The following EPSTI1 variants were observed in gnomAD, a reference collection of about 807,000 sequenced individuals.
The protein encoded by EPSTI1 is epithelial-stromal interaction protein 1.
Under a neutral mutation model 49.9 loss-of-function variants are expected in EPSTI1, and 66 were observed. The ratio of observed to expected loss-of-function variants is 1.32; its 90% CI spans 1.08 to 1.62. The LOEUF (loss-of-function observed/expected upper bound fraction) is 1.62, where lower values mean the gene tolerates loss of function less well. Ranked by LOEUF, EPSTI1 falls within the 40% of genes most tolerant of loss-of-function variation. The pLI, the probability that EPSTI1 is intolerant of heterozygous loss-of-function variation, is 0.00. For missense variants in EPSTI1, 394 were observed against 365.5 expected, an observed-to-expected ratio of 1.08 and a Z score of -0.64; for synonymous variants, 137 against 130.7, an observed-to-expected ratio of 1.05 and a Z score of -0.33.
intron 6 of EPSTI1, among the ~76,000 whole-genome samples, chr13:42,939,234 A>T (rs1259640636): frequency 6.6e-6 from 1 of 152,212 alleles, no homozygotes; most frequent in Non-Finnish European, 1.5e-5. Flanking sequence ...CTTTCTTCAT[A>T]TTAGCAATAC....
chr13:42,921,820 C>T lies in EPSTI1; in HGVS notation c.658-4196G>A, dbSNP rs114618126. 3.0e-3 allele frequency among the ~76,000 whole-genome samples: 449 copies of T among 151,766 alleles called. 3 individuals carry two copies. The highest frequency in any genetic ancestry group is 0.01 in the African/African-American group (432 of 41,350). The stretch of plus-strand genomic sequence containing the variant: ...CAGCTGTGCGCCAGGCTTACAAACA[C>T]CCAGGACAGGTTAAAGCAGGAGGAA... On this transcript the variant is annotated intron_variant, in intron 7 of 10. Transcript: ENST00000313624.
intron 7 of EPSTI1, among the ~76,000 whole-genome samples, chr13:42,919,120 T>G (rs1352887477): frequency 6.6e-6 from 1 of 152,194 alleles, no homozygotes; most frequent in Non-Finnish European, 1.5e-5. Flanking sequence ...CCCTTTAAAC[T>G]TGTCATTTTG....
At position 42,983,609 on chromosome 13, in the gene EPSTI1, A is replaced by G. The variant is rs9567086; in HGVS notation, c.188+8369T>C. 2.2e-4 allele frequency among the ~76,000 whole-genome samples: 33 copies of G among 150,450 alleles called. No individual in the cohort carries two copies. The East Asian group carries it at 4.0e-3, about 18-fold the overall frequency. ...AAAAAACAATGATAAGACCTTAGCT[A>G]GCTGTACTATCAATCCTTCTATCTA... On this transcript the variant is annotated intron_variant, in intron 1 of 10. Transcript: ENST00000313624.
chr13:42,952,017 A>AG (rs1245012185), intron 6 of EPSTI1, among the ~76,000 whole-genome samples: 2 of 152,222 alleles, frequency 1.3e-5, no homozygotes, highest in African/African-American at 4.8e-5. Flanking sequence ...GGCTAGCAAG[A>AG]GGTTTGTAAA....
chr13:42,953,873 T>C (rs1024230729), intron 6 of EPSTI1, 75 bp downstream of exon 6: 1 of 1,185,988 alleles, frequency 8.4e-7, no homozygotes, highest in African/African-American at 1.5e-5. Context: ...TTTGACAAGT[T>C]AGCATCACCT....
chr13:42,967,289 T>TAAAAA (rs747737457), intron 3 of EPSTI1, among the ~76,000 whole-genome samples: 2 of 28,542 alleles, frequency 7.0e-5, no homozygotes, highest in African/African-American at 1.8e-4. Context: ...AAAAATAAAT[T>TAAAAA]AAAAAAAAAA....
chr13:42,970,832 C>G (rs2039749520), intron 1 of EPSTI1, among the ~76,000 whole-genome samples, 162 bp from the exon 2 acceptor site: 1 of 152,162 alleles, frequency 6.6e-6, no homozygotes, highest in African/African-American at 2.4e-5. Context: ...TTCTCTGGGA[C>G]CTCACAATCT....
chr13:42,936,134 T>C (rs971409058), intron 6 of EPSTI1, among the ~76,000 whole-genome samples: 2 of 152,180 alleles, frequency 1.3e-5, no homozygotes, highest in Non-Finnish European at 2.9e-5. Flanking sequence ...TTATGTATAC[T>C]CAGGAACTTA....
rs372278878 is a variant in EPSTI1, at chr13:42,955,877, T to TTGGCGG, written c.490-1857_490-1856insCCGCCA. Among the ~76,000 whole-genome samples the TTGGCGG allele has an allele frequency of 2.7e-4, 28 of 105,570 alleles. 3 individuals are homozygous for TTGGCGG. The East Asian group carries it at 8.2e-3, about 31-fold the overall frequency. 69.3% of individuals were successfully genotyped at this position (105,570 alleles called of 152,430 possible). A position where few individuals can be genotyped will look rare whatever the true frequency, so the allele number is the denominator to read the frequency against. On this transcript the variant is annotated intron_variant, in intron 5 of 10. Coordinates refer to ENST00000313624, the MANE Select transcript of EPSTI1 (RefSeq NM_033255.5). ...AGTTGATAGTTGATGAAGAAGTATT[T>TTGGCGG]GGGGGGGGGGGGAAGTAGTAGTAGT... is the stretch of plus-strand genomic sequence containing the variant.
chr13:42,963,488 T>C, intron 4 of EPSTI1, 150 bp from the exon 5 acceptor site: 1 of 619,770 alleles, frequency 1.6e-6, no homozygotes, highest in Non-Finnish European at 2.8e-6. Flanking sequence ...GCTACTTAGA[T>C]CACAGAGAAT....
At chr13:42,926,010 T>A (rs925713487) in intron 7 of EPSTI1, among the ~76,000 whole-genome samples, 1 of 14,840 alleles carries the variant, frequency 6.7e-5, no homozygotes, top group African/African-American at 2.3e-4. Context: ...GAAGGAAGGA[T>A]GGATGGATGC....
At chr13:42,981,953 C>T (rs538327285) in intron 1 of EPSTI1, among the ~76,000 whole-genome samples, 14 of 149,958 alleles carry the variant, frequency 9.3e-5, no homozygotes, top group Non-Finnish European at 1.6e-4. Flanking sequence ...AAAAAAAAAT[C>T]ACTGTAAGTT....
chr13:42,990,964 T>C (rs962803952), intron 1 of EPSTI1: 1 of 152,278 alleles, frequency 6.6e-6, no homozygotes, highest in African/African-American at 2.4e-5. Flanking sequence ...GAGAGGCTCA[T>C]GACACTTGCT....
rs184501067 is a variant in EPSTI1, at chr13:42,953,924, G to C, written c.563+24C>G. ...ATGAACAATCTGCCTATAAAGGCAC[G>C]AAGTTCTGAAAACATTAACTTACTA... is the stretch of plus-strand genomic sequence containing the variant. On this transcript the variant is annotated intron_variant, in intron 6 of 10. Coordinates refer to ENST00000313624, the MANE Select transcript of EPSTI1 (RefSeq NM_033255.5). 3.8e-6 allele frequency: 6 copies of C among 1,597,946 alleles called. No homozygotes were observed. In the East Asian group the frequency reaches 1.3e-4, roughly 36 times the overall value.
At chr13:42,921,648 C>CT (rs1594650291) in intron 7 of EPSTI1, among the ~76,000 whole-genome samples, 2 of 152,262 alleles carry the variant, frequency 1.3e-5, no homozygotes, top group East Asian at 3.9e-4. Flanking sequence ...GCCCGGGGAG[C>CT]TTTTTTAAAC....
At chr13:42,914,529 T>C (rs932037260) in intron 8 of EPSTI1, among the ~76,000 whole-genome samples, 3 of 152,188 alleles carry the variant, frequency 2.0e-5, no homozygotes, top group Non-Finnish European at 4.4e-5. Flanking sequence ...CCAAACTGTA[T>C]GTTCAGAAGG....
chr13:42,909,185 A>G (rs1166972254), intron 8 of EPSTI1, among the ~76,000 whole-genome samples: 2 of 152,324 alleles, frequency 1.3e-5, no homozygotes, highest in East Asian at 3.9e-4. Flanking sequence ...ATATGAAAAA[A>G]TGCTCAACAT....
intron 1 of EPSTI1, among the ~76,000 whole-genome samples, chr13:42,973,457 A>G (rs2039811726): frequency 6.6e-6 from 1 of 152,246 alleles, no homozygotes; most frequent in Non-Finnish European, 1.5e-5. Flanking sequence ...GAAAATGCCA[A>G]ATCTGAAACA....
At chr13:42,977,273 T>C (rs984496890) in intron 1 of EPSTI1, among the ~76,000 whole-genome samples, 3 of 152,254 alleles carry the variant, frequency 2.0e-5, no homozygotes, top group Non-Finnish European at 4.4e-5. Context: ...CCTTTATTCT[T>C]TAACCAAAAG....
Sources: allele counts gnomAD v4.1 joint callset (sites outside exome capture counted in the v4.1 genomes callset), GRCh38; gene constraint gnomAD v4.1.1; transcripts MANE v1.5; gene names NCBI Gene and HGNC (gene_info 2026-07-23, HGNC 2026-07-21).